THSD7B: variants seen among roughly 807,000 people sequenced by gnomAD.
THSD7B encodes thrombospondin type-1 domain-containing protein 7B.
Under a neutral mutation model 213.6 loss-of-function variants are expected in THSD7B, and 138 were observed. The observed-to-expected ratio is 0.65, with a 90% CI of 0.56 to 0.74. The LOEUF (loss-of-function observed/expected upper bound fraction) is 0.74, where lower values mean the gene tolerates loss of function less well. Ranked by LOEUF, THSD7B falls within the 30% of genes least tolerant of loss-of-function variation. The pLI is 0.00. For missense variants in THSD7B, 1,931 were observed against 1,991.5 expected, an observed-to-expected ratio of 0.97 and a Z score of 0.58; for synonymous variants, 742 against 687.0, an observed-to-expected ratio of 1.08 and a Z score of -1.25.
chr2:137,228,247 T>C (rs1176869576), intron 7 of THSD7B, among the ~76,000 whole-genome samples: 1 of 152,056 alleles, frequency 6.6e-6, no homozygotes, highest in East Asian at 1.9e-4. Flanking sequence ...ATCTATTTGT[T>C]CCCTTTTCTG....
chr2:137,189,026 C>T (rs1680607467), intron 7 of THSD7B, among the ~76,000 whole-genome samples: 1 of 152,188 alleles, frequency 6.6e-6, no homozygotes, highest in Non-Finnish European at 1.5e-5. Context: ...GATTTTGACA[C>T]ATTGTAATTC....
intron 7 of THSD7B, among the ~76,000 whole-genome samples, chr2:137,223,375 T>G (rs1681415873): frequency 1.3e-5 from 2 of 152,198 alleles, no homozygotes; most frequent in South Asian, 4.1e-4. Flanking sequence ...CCAACATTGT[T>G]ACGTACATGT....
At chr2:137,554,803 A>T (rs1349488108) in intron 15 of THSD7B, among the ~76,000 whole-genome samples, 2 of 152,190 alleles carry the variant, frequency 1.3e-5, no homozygotes, top group East Asian at 3.9e-4. Context: ...TCATAGCCAA[A>T]CAAATCTGTG....
intron 17 of THSD7B, among the ~76,000 whole-genome samples, chr2:137,587,632 C>T (rs961508279): frequency 1.2e-4 from 19 of 152,178 alleles, no homozygotes; most frequent in African/African-American, 4.3e-4. Context: ...GTATCAGCAG[C>T]GGAGGCTGCA....
intron 17 of THSD7B, among the ~76,000 whole-genome samples, chr2:137,580,902 C>T (rs1036039209): frequency 4.6e-5 from 7 of 152,058 alleles, no homozygotes; most frequent in East Asian, 1.9e-4. Context: ...AGGGGATGGC[C>T]CAAAATATTC....
At chr2:137,248,943 T>C (rs2105071193) in intron 10 of THSD7B, among the ~76,000 whole-genome samples, 1 of 152,304 alleles carries the variant, frequency 6.6e-6, no homozygotes, top group Non-Finnish European at 1.5e-5. Flanking sequence ...CAGACCCAGC[T>C]CTGATACATG....
chr2:137,193,891 T>A (rs558257394), intron 7 of THSD7B, among the ~76,000 whole-genome samples: 1 of 151,372 alleles, frequency 6.6e-6, no homozygotes, highest in African/African-American at 2.4e-5. Context: ...CTCCTGACTC[T>A]GGACTTTCTC....
intron 5 of THSD7B, among the ~76,000 whole-genome samples, chr2:137,129,368 T>C (rs924336351): frequency 6.6e-6 from 1 of 152,162 alleles, no homozygotes; most frequent in Non-Finnish European, 1.5e-5. Flanking sequence ...GTTCTTTTTA[T>C]GTCAGATATA....
intron 14 of THSD7B, among the ~76,000 whole-genome samples, chr2:137,432,465 A>T (rs779973242): frequency 1.1e-4 from 16 of 152,302 alleles, no homozygotes; most frequent in Non-Finnish European, 1.9e-4. Flanking sequence ...AAAATATATA[A>T]TGCTTCCTCC....
At chr2:137,632,393 C>A (rs1331557360) in intron 20 of THSD7B, among the ~76,000 whole-genome samples, 2 of 152,142 alleles carry the variant, frequency 1.3e-5, no homozygotes, top group Non-Finnish European at 2.9e-5. Context: ...AGCTGCCAAT[C>A]TTACAGAGAG....
At chr2:137,153,117 A>G (rs997899234) in intron 5 of THSD7B, among the ~76,000 whole-genome samples, 1 of 152,198 alleles carries the variant, frequency 6.6e-6, no homozygotes, top group South Asian at 2.1e-4. Context: ...AAACATGAAT[A>G]TATGGCTGAA....
At chr2:136,973,964 T>G (rs473717) in intron 2 of THSD7B, among the ~76,000 whole-genome samples, 148,779 of 152,282 alleles carry the variant, frequency 0.98, 72,777 homozygotes, top group Middle Eastern at 1. Flanking sequence ...TTAAATGAAA[T>G]TTAGGCTAAG....
intron 14 of THSD7B, among the ~76,000 whole-genome samples, chr2:137,427,801 C>G (rs971724491): frequency 6.6e-6 from 1 of 152,054 alleles, no homozygotes; most frequent in South Asian, 2.1e-4. Context: ...ATAGTATATA[C>G]TTGAAATTCT....
At chr2:137,640,523 GA>G (rs1437994079) in intron 20 of THSD7B, among the ~76,000 whole-genome samples, 1 of 152,206 alleles carries the variant, frequency 6.6e-6, no homozygotes, top group African/African-American at 2.4e-5. Context: ...CATAATTAAT[GA>G]AGCAGCTACT....
At chr2:137,647,192 G>C (rs997497514) in intron 21 of THSD7B, among the ~76,000 whole-genome samples, 1 of 152,130 alleles carries the variant, frequency 6.6e-6, no homozygotes, top group Non-Finnish European at 1.5e-5. Flanking sequence ...CTTTACTCCT[G>C]CCTCTGCAAG....
At chr2:137,525,992 C>T (rs1680270012) in intron 15 of THSD7B, among the ~76,000 whole-genome samples, 1 of 152,054 alleles carries the variant, frequency 6.6e-6, no homozygotes, top group Non-Finnish European at 1.5e-5. Flanking sequence ...TCTTTGTTTC[C>T]TTGCCATGAC....
chr2:137,534,147 G>T (rs1680458761), intron 15 of THSD7B, among the ~76,000 whole-genome samples: 1 of 151,014 alleles, frequency 6.6e-6, no homozygotes, highest in African/African-American at 2.4e-5. Flanking sequence ...TTCCCCTTTT[G>T]CCTTTGATCT....
chr2:137,013,524 A>G (rs1686278467), intron 2 of THSD7B, among the ~76,000 whole-genome samples: 1 of 152,206 alleles, frequency 6.6e-6, no homozygotes, highest in African/African-American at 2.4e-5. Context: ...GAGGGTTCCC[A>G]GCTGAGTGAA....
intron 12 of THSD7B, among the ~76,000 whole-genome samples, chr2:137,293,653 G>A (rs77318555): frequency 0.026 from 3,973 of 151,948 alleles, 103 homozygotes; most frequent in Middle Eastern, 0.099. Context: ...GAACAGAATG[G>A]CATCATTGAA....
Sources: allele counts gnomAD v4.1 joint callset (sites outside exome capture counted in the v4.1 genomes callset), GRCh38; gene constraint gnomAD v4.1.1; transcripts MANE v1.5; gene names NCBI Gene and HGNC (gene_info 2026-07-23, HGNC 2026-07-21).